DPP10: variants seen among roughly 807,000 people sequenced by gnomAD.
DPP10 encodes dipeptidyl peptidase like 10, also known as inactive dipeptidyl peptidase 10.
A neutral mutation model predicts 120.9 loss-of-function variants in DPP10; 33 were observed. That is an observed-to-expected ratio of 0.27 (90% CI 0.21 to 0.37). DPP10 has a LOEUF of 0.37. Ranked by LOEUF, DPP10 falls within the 10% of genes least tolerant of loss-of-function variation. The pLI, the probability that DPP10 is intolerant of heterozygous loss-of-function variation, is 1.00. For missense variants in DPP10, 816 were observed against 942.8 expected (o/e 0.87, Z 1.76); for synonymous variants, 337 against 326.1 (o/e 1.03, Z -0.36).
At chr2:115,415,095 A>G (rs1341870430) in intron 3 of DPP10, among the ~76,000 whole-genome samples, 4 of 152,076 alleles carry the variant, frequency 2.6e-5, no homozygotes, top group African/African-American at 4.8e-5. Flanking sequence ...CTGTGATCCT[A>G]TTGTGATTTT....
chr2:115,641,360 T>G (rs1215622513), intron 5 of DPP10, among the ~76,000 whole-genome samples: 4 of 152,302 alleles, frequency 2.6e-5, no homozygotes, highest in African/African-American at 4.8e-5. Context: ...TGTCATCTCC[T>G]CACAGTCTTC....
At chr2:115,340,398 T>C (rs1173154893) in intron 2 of DPP10, among the ~76,000 whole-genome samples, 1 of 152,060 alleles carries the variant, frequency 6.6e-6, no homozygotes, top group African/African-American at 2.4e-5. Flanking sequence ...ATAGTATTAA[T>C]GTACATAAAA....
chr2:114,560,224 G>A (rs182565466), intron 1 of DPP10, among the ~76,000 whole-genome samples: 191 of 152,292 alleles, frequency 1.3e-3, no homozygotes, highest in African/African-American at 4.5e-3. Flanking sequence ...GGAGTTGGGA[G>A]GAGAAGGAGG....
At chr2:114,594,871 T>C (rs1195364824) in intron 1 of DPP10, among the ~76,000 whole-genome samples, 1 of 152,044 alleles carries the variant, frequency 6.6e-6, no homozygotes, top group Non-Finnish European at 1.5e-5. Context: ...CTTTCCTGTC[T>C]CTGTGGTGCT....
Position 115,710,966 on chromosome 2 carries a change from T to C in DPP10, c.577-16850T>C, listed in dbSNP as rs182984774. ...TTTTTAAAGAATAAGAAGTTTGCTT[T>C]TAGAATCTGTAATGTGTTAGTCACT... is the stretch of plus-strand genomic sequence containing the variant. On this transcript the variant is annotated intron_variant, in intron 7 of 25. Coordinates refer to ENST00000410059, the MANE Select transcript of DPP10 (RefSeq NM_020868.6). 1.9e-3 allele frequency among the ~76,000 whole-genome samples: 289 copies of C among 152,202 alleles called. 1 individual carries two copies. The highest frequency in any genetic ancestry group is 6.8e-3 in the Middle Eastern group (2 of 294).
chr2:115,615,069 G>T (rs1022758452), intron 5 of DPP10, among the ~76,000 whole-genome samples: 5 of 152,050 alleles, frequency 3.3e-5, no homozygotes, highest in African/African-American at 9.6e-5. Flanking sequence ...ATTTGCAAGT[G>T]AAAACATATA....
At chr2:114,594,602 A>G (rs959713448) in intron 1 of DPP10, among the ~76,000 whole-genome samples, 2 of 148,974 alleles carry the variant, frequency 1.3e-5, no homozygotes, top group African/African-American at 4.9e-5. Flanking sequence ...ATACATATAT[A>G]TCTCATATAT....
At chr2:115,213,193 C>T (rs576038708) in intron 1 of DPP10, among the ~76,000 whole-genome samples, 2 of 152,036 alleles carry the variant, frequency 1.3e-5, no homozygotes, top group Non-Finnish European at 2.9e-5. Context: ...TCCCCTTGCC[C>T]TAGGAGGATA....
intron 5 of DPP10, among the ~76,000 whole-genome samples, chr2:115,597,586 T>G (rs957838540): frequency 6.7e-6 from 1 of 150,074 alleles, no homozygotes; most frequent in African/African-American, 2.4e-5. Flanking sequence ...TTTATATGCA[T>G]TATATATATT....
chr2:114,901,077 T>A (rs575484338), intron 1 of DPP10, among the ~76,000 whole-genome samples: 1 of 152,086 alleles, frequency 6.6e-6, no homozygotes, highest in Non-Finnish European at 1.5e-5. Flanking sequence ...AACATCAAAT[T>A]TATAATTAAT....
At chr2:115,399,849 C>G (rs2067938528) in intron 3 of DPP10, among the ~76,000 whole-genome samples, 1 of 148,728 alleles carries the variant, frequency 6.7e-6, no homozygotes, top group Non-Finnish European at 1.5e-5. Context: ...TTAGCTTGTA[C>G]TTTCTTTGCT....
intron 1 of DPP10, among the ~76,000 whole-genome samples, chr2:115,083,593 C>T (rs770320016): frequency 2.0e-5 from 3 of 152,192 alleles, no homozygotes; most frequent in South Asian, 2.1e-4. Context: ...ACATTATGAT[C>T]GTTTCTTGAC....
chr2:115,024,645 A>G lies in DPP10; in HGVS notation c.61-284594A>G, dbSNP rs915150186. Among the ~76,000 whole-genome samples the G allele has an allele frequency of 4.0e-5, 6 of 150,088 alleles. No homozygotes were observed. In the East Asian group the frequency reaches 1.2e-3, roughly 29 times the overall value. ...TAAATGTATATATGTACATATACAT[A>G]CACACATATAACCTTAAATTTAAAT... On this transcript the variant is annotated intron_variant, in intron 1 of 25. Coordinates refer to ENST00000410059, the MANE Select transcript of DPP10 (RefSeq NM_020868.6).
chr2:115,543,054 TTCA>T (rs1384495669), intron 5 of DPP10, among the ~76,000 whole-genome samples: 9 of 152,000 alleles, frequency 5.9e-5, no homozygotes, highest in African/African-American at 1.9e-4. Flanking sequence ...TCTATTACTT[TTCA>T]TCATCCATGA....
At chr2:115,503,890 C>T (rs913834627) in intron 4 of DPP10, among the ~76,000 whole-genome samples, 2 of 152,070 alleles carry the variant, frequency 1.3e-5, no homozygotes, top group African/African-American at 2.4e-5. Flanking sequence ...GTGCATCCTA[C>T]ACTTAACGCA....
intron 21 of DPP10, among the ~76,000 whole-genome samples, chr2:115,829,822 G>A (rs569637144): frequency 6.6e-6 from 1 of 152,054 alleles, no homozygotes; most frequent in East Asian, 1.9e-4. Flanking sequence ...AGCTTGTTGG[G>A]ATAATGGAAA....
intron 1 of DPP10, among the ~76,000 whole-genome samples, chr2:114,653,003 AG>A (rs1281791401): frequency 7.0e-6 from 1 of 142,428 alleles, no homozygotes; most frequent in African/African-American, 2.8e-5. Flanking sequence ...AGAGAGAGAG[AG>A]AGAGAAAGAG....
rs78727240 is a variant in DPP10, at chr2:114,802,700, C to T, written c.60+359862C>T. ...AGGAATTTGCTAGTTGCCTCATTTC[C>T]ACTTTTTGTATATTCTTCTTAGTTT... On this transcript the variant is annotated intron_variant, in intron 1 of 25. Coordinates refer to ENST00000410059, the MANE Select transcript of DPP10 (RefSeq NM_020868.6). 9.2e-5 allele frequency among the ~76,000 whole-genome samples: 14 copies of T among 152,210 alleles called. No homozygotes were observed. In the East Asian group the frequency reaches 2.7e-3, roughly 29 times the overall value.
chr2:114,598,008 A>G (rs1325453839), intron 1 of DPP10, among the ~76,000 whole-genome samples: 3 of 152,094 alleles, frequency 2.0e-5, no homozygotes. Flanking sequence ...TAAGGGAGAC[A>G]TGTTCTGTTG....
Sources: gnomAD v4.1 joint callset for allele counts (sites outside exome capture counted in the v4.1 genomes callset) on GRCh38, gnomAD v4.1.1 for gene constraint, MANE v1.5 for transcripts, NCBI Gene and HGNC (gene_info 2026-07-23, HGNC 2026-07-21) for gene names.